SPARC: variants seen among roughly 807,000 people sequenced by gnomAD.
The protein encoded by SPARC is basement-membrane protein 40.
In SPARC, 23 loss-of-function variants were observed where a neutral mutation model predicts 37.7. The observed-to-expected ratio is 0.61, with a 90% CI of 0.44 to 0.87. SPARC has a LOEUF of 0.87. Among genes scored for constraint, SPARC ranks in the 40% least tolerant of loss-of-function variants. SPARC has a pLI of 0.00. For missense variants in SPARC, 312 were observed against 389.0 expected, an observed-to-expected ratio of 0.80 and a Z score of 1.66; for synonymous variants, 155 against 150.8, an observed-to-expected ratio of 1.03 and a Z score of -0.20.
Position 151,661,432 on chromosome 5 carries a change from A to T in SPARC, c.*2139T>A, listed in dbSNP as rs987363925. On this transcript the variant is annotated 3_prime_UTR_variant, in exon 10 of 10. Transcript: ENST00000231061. ...CTCGCCCTCCCACTGTGTAGAAGAG[A>T]ACACCAGAATACAGTTTGATTTTTT... is the stretch of plus-strand genomic sequence containing the variant. 1 of 152,220 alleles carries T rather than the reference A, an allele frequency of 6.6e-6. No homozygotes were observed. Among genetic ancestry groups the T allele is most frequent in the African/African-American group, 2.4e-5 (1 of 41,458 alleles). The allele number at this position is 152,220 out of a possible 1,614,324, so 9.4% of individuals were successfully genotyped here.
intron 5 of SPARC, among the ~76,000 whole-genome samples, chr5:151,671,058 G>A (rs1760738852): frequency 6.6e-6 from 1 of 152,194 alleles, no homozygotes. Flanking sequence ...ATATTTGAGA[G>A]ATAATTTAAA....
chr5:151,681,689 C>T (rs551796190), intron 1 of SPARC, among the ~76,000 whole-genome samples: 3 of 152,082 alleles, frequency 2.0e-5, no homozygotes, highest in African/African-American at 2.4e-5. Flanking sequence ...GTCAGCAGTT[C>T]GAGACCAGCC....
chr5:151,676,348 T>A (rs1760858474), intron 1 of SPARC, 147 bp from the exon 2 acceptor site: 2 of 589,270 alleles, frequency 3.4e-6, no homozygotes, highest in Non-Finnish European at 3.0e-6. Flanking sequence ...CCATTTAATA[T>A]TCTTTCAATT....
chr5:151,680,410 C>CTTTTA (rs1321703482), intron 1 of SPARC, among the ~76,000 whole-genome samples: 2 of 151,250 alleles, frequency 1.3e-5, no homozygotes, highest in African/African-American at 4.9e-5. Context: ...CTTTTCTTTT[C>CTTTTA]TTTTTTGTAG....
rs773037788 is a variant in SPARC, at chr5:151,667,398, G to A, written c.585+69C>T. ...AGCAGGATGCCGCCCTGCAGCTGGG[G>A]GCCCAGTTCTAGGAATGGGACTGGA... On this transcript the variant is annotated intron_variant, in intron 7 of 9. Coordinates refer to ENST00000231061, the MANE Select transcript of SPARC (RefSeq NM_003118.4). 2.9e-5 allele frequency: 46 copies of A among 1,593,400 alleles called. No individual in the cohort carries two copies. The Middle Eastern group carries it at 1.2e-3, about 40-fold the overall frequency.
chr5:151,680,984 G>GT lies in SPARC; in HGVS notation c.-13-4784dup, dbSNP rs541696094. Among the ~76,000 whole-genome samples the GT allele has an allele frequency of 2.2e-4, 33 of 152,322 alleles. No individual in the cohort carries two copies. In the East Asian group the frequency reaches 5.8e-3, roughly 27 times the overall value. On this transcript the variant is annotated intron_variant, in intron 1 of 9. Coordinates refer to ENST00000231061, the MANE Select transcript of SPARC (RefSeq NM_003118.4). ...GGACATATTGCCCCTGTTGGTCTGG[G>GT]TAAGTCCAGCCTCCAGAGGATACAG...
intron 4 of SPARC, 31 bp downstream of exon 4, chr5:151,673,098 G>C: frequency 6.5e-7 from 1 of 1,536,162 alleles, no homozygotes; most frequent in Non-Finnish European, 9.0e-7. Context: ...AGGGCAGCTT[G>C]GATGTGCCAA....
chr5:151,669,608 C>G, intron 6 of SPARC, 56 bp downstream of exon 6: 1 of 1,585,310 alleles, frequency 6.3e-7, no homozygotes, highest in Non-Finnish European at 8.6e-7. Flanking sequence ...AGCATCAGTG[C>G]CAGCTCAGAG....
At chr5:151,667,437 G>A (rs754255371) in intron 7 of SPARC, 30 bp downstream of exon 7, 25 of 1,613,482 alleles carry the variant, frequency 1.5e-5, no homozygotes, top group Non-Finnish European at 1.9e-5. Context: ...TCACCAGCAC[G>A]GGGCCAGCAA....
At chr5:151,678,908 C>T (rs954841829) in intron 1 of SPARC, among the ~76,000 whole-genome samples, 1 of 128,310 alleles carries the variant, frequency 7.8e-6, no homozygotes, top group Non-Finnish European at 1.6e-5. Context: ...CTGAACTATT[C>T]CAGATGCACA....
intron 3 of SPARC, among the ~76,000 whole-genome samples, chr5:151,674,213 A>G (rs996924788): frequency 3.3e-5 from 5 of 151,970 alleles, no homozygotes; most frequent in African/African-American, 1.2e-4. Context: ...GGGTTTCACC[A>G]TGTTGGCCAC....
At chr5:151,665,300 G>A (rs1660531139) in intron 8 of SPARC, among the ~76,000 whole-genome samples, 1 of 152,158 alleles carries the variant, frequency 6.6e-6, no homozygotes, top group African/African-American at 2.4e-5. Flanking sequence ...CTGAGCTCCA[G>A]ATGTTCCCCT....
At chr5:151,663,927 C>T (rs776043812) in intron 9 of SPARC, among the ~76,000 whole-genome samples, 160 bp downstream of exon 9, 8 of 152,142 alleles carry the variant, frequency 5.3e-5, no homozygotes, top group Non-Finnish European at 7.4e-5. Flanking sequence ...ATCAGGAAGA[C>T]GCCCAAGAGA....
intron 6 of SPARC, among the ~76,000 whole-genome samples, chr5:151,668,844 C>G (rs2113091449): frequency 6.6e-6 from 1 of 152,284 alleles, no homozygotes; most frequent in East Asian, 1.9e-4. Flanking sequence ...CCTGGGGTCC[C>G]ACGAGGAGAA....
At chr5:151,681,237 C>T (rs775625577) in intron 1 of SPARC, among the ~76,000 whole-genome samples, 11 of 152,328 alleles carry the variant, frequency 7.2e-5, no homozygotes, top group Non-Finnish European at 1.2e-4. Flanking sequence ...ACATGGGGAC[C>T]GAGCCAGGCA....
At position 151,667,583 on chromosome 5, in the gene SPARC, C is replaced by T; in HGVS notation, c.469G>A (p.Asp157Asn). The T allele has an allele frequency of 6.2e-7, 1 of 1,614,146 alleles. No homozygotes were observed. Among genetic ancestry groups the T allele is most frequent in the South Asian group, 1.1e-5 (1 of 91,084 alleles). Residue 157 changes from aspartate to asparagine, a missense_variant, in exon 7 of 10, where the codon GAC (aspartate) becomes AAC (asparagine). Transcript: ENST00000231061. ...GPCKYIPPCL[D>N]SELTEFPLRM... ...AGGGGGAATTCGGTCAGCTCAGAGT[C>T]CAGGCAAGGGGGGATGTCTAGGTTC...
intron 1 of SPARC, among the ~76,000 whole-genome samples, chr5:151,680,216 C>CTCTTTT (rs1760953561): frequency 1.6e-5 from 1 of 61,970 alleles, no homozygotes; most frequent in Non-Finnish European, 2.7e-5. Flanking sequence ...TGGAAAACAT[C>CTCTTTT]TTTTTTTTTT....
At chr5:151,684,246 A>T (rs1038722892) in intron 1 of SPARC, among the ~76,000 whole-genome samples, 1 of 152,128 alleles carries the variant, frequency 6.6e-6, no homozygotes, top group Non-Finnish European at 1.5e-5. Flanking sequence ...CAGGCAAGCT[A>T]TTCCTTTGAA....
At chr5:151,674,085 A>C (rs1365309996) in intron 3 of SPARC, among the ~76,000 whole-genome samples, 2 of 151,084 alleles carry the variant, frequency 1.3e-5, no homozygotes, top group African/African-American at 2.4e-5. Context: ...GATCTTGGCT[A>C]ACTGCAACCT....
Sources: allele counts gnomAD v4.1 joint callset (sites outside exome capture counted in the v4.1 genomes callset), GRCh38; gene constraint gnomAD v4.1.1; transcripts MANE v1.5; gene names NCBI Gene and HGNC (gene_info 2026-07-23, HGNC 2026-07-21).